The following PKHD1 variants were observed in gnomAD, a reference collection of about 807,000 sequenced individuals.
PKHD1 encodes the protein PKHD1 ciliary IPT domain containing fibrocystin/polyductin, also known as fibrocystin.
PKHD1 carries 291 observed loss-of-function variants against 412.0 expected under a neutral mutation model. The ratio of observed to expected loss-of-function variants is 0.71; its 90% CI spans 0.64 to 0.78. The LOEUF (loss-of-function observed/expected upper bound fraction) is 0.78, where lower values mean the gene tolerates loss of function less well. Ranked by LOEUF, PKHD1 falls within the 30% of genes least tolerant of loss-of-function variation. The pLI is 0.00. For missense variants in PKHD1, 4,825 were observed against 4,950.7 expected (o/e 0.97, Z 0.76); for synonymous variants, 1,777 against 1,821.5 (o/e 0.98, Z 0.62).
intron 52 of PKHD1, among the ~76,000 whole-genome samples, chr6:51,821,713 T>G (rs1223708960): frequency 6.6e-6 from 1 of 151,848 alleles, no homozygotes; most frequent in African/African-American, 2.4e-5. Context: ...ATTTTTTGTT[T>G]GTTTGTTTGT....
chr6:51,899,628 A>G (rs1780864917), intron 43 of PKHD1, among the ~76,000 whole-genome samples: 1 of 151,246 alleles, frequency 6.6e-6, no homozygotes, highest in African/African-American at 2.4e-5. Context: ...GCCCTCTCTC[A>G]CCACTCCTAT....
chr6:51,751,690 T>G (rs1392028551), intron 57 of PKHD1, among the ~76,000 whole-genome samples: 2 of 152,190 alleles, frequency 1.3e-5, no homozygotes, highest in African/African-American at 4.8e-5. Flanking sequence ...AAGTACCTAA[T>G]GTACAGCAGT....
intron 35 of PKHD1, among the ~76,000 whole-genome samples, chr6:51,961,505 G>A (rs1792026062): frequency 6.6e-6 from 1 of 152,068 alleles, no homozygotes; most frequent in African/African-American, 2.4e-5. Context: ...AGTATCTGTA[G>A]GCTACAAAAG....
chr6:51,745,161 T>C (rs1013153741), intron 59 of PKHD1, among the ~76,000 whole-genome samples: 7 of 152,206 alleles, frequency 4.6e-5, no homozygotes, highest in Admixed American at 2.0e-4. Flanking sequence ...ATATTTATTG[T>C]ATACCAACAA....
intron 52 of PKHD1, among the ~76,000 whole-genome samples, chr6:51,808,021 G>A (rs1027688068): frequency 2.6e-5 from 4 of 151,928 alleles, no homozygotes; most frequent in South Asian, 2.1e-4. Context: ...TAAAAACCAC[G>A]AATTGTACAA....
At position 52,075,612 on chromosome 6, in the gene PKHD1, C is replaced by T. The variant is rs529049719; in HGVS notation, c.448+664G>A. 1.2e-4 allele frequency among the ~76,000 whole-genome samples: 19 copies of T among 152,244 alleles called. 1 individual carries two copies. In the South Asian group the frequency reaches 3.1e-3, roughly 25 times the overall value. On this transcript the variant is annotated intron_variant, in intron 6 of 66. Coordinates refer to ENST00000371117, the MANE Select transcript of PKHD1 (RefSeq NM_138694.4). ...TTTATATAATCTTCTTTTCTATCCT[C>T]CTGGCTTTTAAATATCTGTGTGCTC...
intron 52 of PKHD1, among the ~76,000 whole-genome samples, chr6:51,801,652 TGTGAGAGAGA>T (rs1562341767): frequency 7.0e-6 from 1 of 143,086 alleles, no homozygotes; most frequent in Non-Finnish European, 1.5e-5. Context: ...TGTGTGTGTG[TGTGAGAGAGA>T]GAGAGAGAGA....
intron 52 of PKHD1, among the ~76,000 whole-genome samples, chr6:51,824,489 C>G (rs968511232): frequency 1.3e-5 from 2 of 152,114 alleles, no homozygotes; most frequent in Non-Finnish European, 2.9e-5. Flanking sequence ...GCAAGGTTCA[C>G]TAAGGTCTAT....
At chr6:51,904,678 A>C (rs1781802238) in intron 41 of PKHD1, among the ~76,000 whole-genome samples, 1 of 152,148 alleles carries the variant, frequency 6.6e-6, no homozygotes, top group Non-Finnish European at 1.5e-5. Flanking sequence ...TAATTCCCTC[A>C]CTTGTAATAC....
At position 52,063,851 on chromosome 6, in the gene PKHD1, A is replaced by G. The variant is rs566120508; in HGVS notation, c.976+1104T>C. On this transcript the variant is annotated intron_variant, in intron 13 of 66. Coordinates refer to ENST00000371117, the MANE Select transcript of PKHD1 (RefSeq NM_138694.4). ...GCCCAGCTTCTGTGGAAGAAACTTC[A>G]AAAGCCCTTCATAAAGGACAACACT... Among the ~76,000 whole-genome samples, 19 of 152,368 alleles carry G rather than the reference A, an allele frequency of 1.2e-4. No individual in the cohort carries two copies. The South Asian group carries it at 3.1e-3, about 25-fold the overall frequency.
intron 27 of PKHD1, among the ~76,000 whole-genome samples, chr6:52,042,050 G>T (rs1166616232): frequency 2.0e-5 from 3 of 152,138 alleles, no homozygotes; most frequent in African/African-American, 7.2e-5. Context: ...TAATTACTGG[G>T]TTAATACAGA....
chr6:51,660,374 T>C (rs1482616129), intron 60 of PKHD1, among the ~76,000 whole-genome samples: 1 of 152,056 alleles, frequency 6.6e-6, no homozygotes, highest in Non-Finnish European at 1.5e-5. Context: ...TGTGTAGGTA[T>C]TTCACCACAC....
rs1770541711 is a variant in PKHD1 at position 51,649,216 on chromosome 6, T to C, written c.11179A>G (p.Thr3727Ala). 2.5e-6 allele frequency: 4 copies of C among 1,609,414 alleles called. No homozygotes were observed. The South Asian group carries it at 4.4e-5, about 18-fold the overall frequency. The change falls in exon 62 of 67, where the codon ACA becomes GCA. Residue 3727 changes from threonine (T) to alanine (A), a missense_variant. Physicochemically the swap from Thr to Ala is moderately conservative, Grantham distance 58. Transcript: ENST00000371117. Reference protein sequence around the residue: ...QSKGVIGYGNTSSFKTGNLIY... With the variant: ...QSKGVIGYGNASSFKTGNLIY... ...AAGTTCCCAGTTTTAAAACTGCTTG[T>C]ATTTCTGACAGATATAAAAACAAAC...
chr6:51,906,416 C>A, intron 40 of PKHD1, 76 bp from the exon 41 acceptor site: 1 of 1,116,782 alleles, frequency 9.0e-7, no homozygotes, highest in Non-Finnish European at 1.4e-6. Flanking sequence ...GCAACCTACA[C>A]TGTAGCTAAA....
chr6:52,043,518 T>C lies in PKHD1; in HGVS notation c.2821+107A>G, dbSNP rs542824798. Reference sequence around the variant, plus strand: ...GCTACGTCACTCAACCTCTGCCTAATGAACTAATTTATCTTCTACCCACCC... The same window carrying C: ...GCTACGTCACTCAACCTCTGCCTAACGAACTAATTTATCTTCTACCCACCC... On this transcript the variant is annotated intron_variant, in intron 26 of 66. Transcript: ENST00000371117. The C allele has an allele frequency of 5.0e-6, 4 of 797,406 alleles. No homozygotes were observed. In the Admixed American group the frequency reaches 7.7e-5, roughly 15 times the overall value. The allele number at this position is 797,406 out of a possible 1,614,324, so 49.4% of individuals were successfully genotyped here. A position where few individuals can be genotyped will look rare whatever the true frequency, so the allele number is the denominator to read the frequency against.
chr6:51,803,882 A>G lies in PKHD1; in HGVS notation c.8303-12509T>C, dbSNP rs1011812178. ...TCACCACGCCTGGCTAAAGTTTTGT[A>G]TTATTAGTAGAGATGGGGTTTCACC... On this transcript the variant is annotated intron_variant, in intron 52 of 66. Coordinates refer to ENST00000371117, the MANE Select transcript of PKHD1 (RefSeq NM_138694.4). Among the ~76,000 whole-genome samples, 7 of 151,114 alleles carry G rather than the reference A, an allele frequency of 4.6e-5. 1 individual carries two copies. The highest frequency in any genetic ancestry group is 1.7e-4 in the African/African-American group (7 of 40,554).
intron 52 of PKHD1, among the ~76,000 whole-genome samples, chr6:51,826,001 T>C (rs1767238878): frequency 1.3e-5 from 2 of 152,204 alleles, no homozygotes; most frequent in East Asian, 1.9e-4. Context: ...ATCTCTGCTA[T>C]AATTCAGTAT....
chr6:52,011,456 A>T (rs1273729185), intron 34 of PKHD1, among the ~76,000 whole-genome samples: 1 of 152,240 alleles, frequency 6.6e-6, no homozygotes, highest in Non-Finnish European at 1.5e-5. Flanking sequence ...CAGAAAGTCA[A>T]ACACAGAACT....
At chr6:51,631,542 C>T (rs1767918302) in intron 65 of PKHD1, among the ~76,000 whole-genome samples, 1 of 152,050 alleles carries the variant, frequency 6.6e-6, no homozygotes, top group Non-Finnish European at 1.5e-5. Context: ...TGACTTTTTT[C>T]TCTTTGCCTC....
Sources: gnomAD v4.1 joint callset for allele counts (sites outside exome capture counted in the v4.1 genomes callset) on GRCh38, gnomAD v4.1.1 for gene constraint, MANE v1.5 for transcripts, NCBI Gene and HGNC (gene_info 2026-07-23, HGNC 2026-07-21) for gene names.